RBFOX1: variants seen among roughly 807,000 people sequenced by gnomAD.
RBFOX1 encodes the protein RNA binding fox-1 homolog 1.
RBFOX1 carries 8 observed loss-of-function variants against 57.7 expected under a neutral mutation model. That is an observed-to-expected ratio of 0.14 (90% CI 0.08 to 0.25). The LOEUF (loss-of-function observed/expected upper bound fraction) is 0.25. Among genes scored for constraint, RBFOX1 ranks in the 10% least tolerant of loss-of-function variants. RBFOX1 has a pLI of 1.00. For missense variants in RBFOX1, 611 were observed against 548.5 expected (o/e 1.11, Z -1.14); for synonymous variants, 326 against 222.4 (o/e 1.47, Z -4.15).
chr16:7,031,468 T>C (rs2042773113), intron 3 of RBFOX1, among the ~76,000 whole-genome samples: 1 of 151,988 alleles, frequency 6.6e-6, no homozygotes, highest in Non-Finnish European at 1.5e-5. Flanking sequence ...TGGTGGCACA[T>C]GCCTGTAGTT....
intron 2 of RBFOX1, among the ~76,000 whole-genome samples, chr16:6,450,244 A>G (rs1380572431): frequency 1.3e-5 from 2 of 152,076 alleles, no homozygotes; most frequent in Non-Finnish European, 2.9e-5. Flanking sequence ...TTCCTCATCT[A>G]TAATATGAGG....
intron 3 of RBFOX1, among the ~76,000 whole-genome samples, chr16:5,709,448 G>T (rs2088472035): frequency 6.6e-6 from 1 of 152,074 alleles, no homozygotes; most frequent in Non-Finnish European, 1.5e-5. Context: ...TTTCGTGATG[G>T]CATGTTTTAT....
At chr16:7,149,635 A>G (rs2075738433) in intron 4 of RBFOX1, among the ~76,000 whole-genome samples, 1 of 151,582 alleles carries the variant, frequency 6.6e-6, no homozygotes, top group Non-Finnish European at 1.5e-5. Flanking sequence ...ACAGGTGCAC[A>G]CCACCGTGCC....
At chr16:5,554,467 T>C (rs982105148) in intron 2 of RBFOX1, among the ~76,000 whole-genome samples, 2 of 152,122 alleles carry the variant, frequency 1.3e-5, no homozygotes, top group African/African-American at 4.8e-5. Context: ...TAAGAGTAAA[T>C]GGAAAAATAC....
In RBFOX1 at chr16:5,250,961, C is replaced by T. The variant is rs530072576; in HGVS notation, c.219+10856C>T. Among the ~76,000 whole-genome samples, 30 of 152,274 alleles carry T rather than the reference C, an allele frequency of 2.0e-4. 1 individual carries two copies. In the East Asian group the frequency reaches 4.8e-3, roughly 25 times the overall value. Reference sequence around the variant, plus strand: ...CTGTGCAAAATTCCATCCAGTCATCCGGCTCCCCCAGGGCTCACATGGTAC... The same window carrying T: ...CTGTGCAAAATTCCATCCAGTCATCTGGCTCCCCCAGGGCTCACATGGTAC... On this transcript the variant is annotated intron_variant, in intron 1 of 2. Transcript: ENST00000585867.
chr16:5,701,403 C>A (rs2051042921), intron 3 of RBFOX1, among the ~76,000 whole-genome samples: 2 of 152,182 alleles, frequency 1.3e-5, no homozygotes, highest in South Asian at 4.1e-4. Context: ...AAGCTTGTCT[C>A]CAAGGAGTGC....
intron 3 of RBFOX1, among the ~76,000 whole-genome samples, chr16:6,966,747 C>G (rs1292599375): frequency 7.0e-6 from 1 of 143,422 alleles, no homozygotes; most frequent in Non-Finnish European, 1.5e-5. Flanking sequence ...CTGCCTGCCT[C>G]TATCTGTCTG....
At chr16:6,751,758 C>G (rs1465400384) in intron 3 of RBFOX1, among the ~76,000 whole-genome samples, 1 of 152,158 alleles carries the variant, frequency 6.6e-6, no homozygotes, top group African/African-American at 2.4e-5. Flanking sequence ...GCGTTGTTTA[C>G]TGCCCCTGTG....
At chr16:7,323,355 C>T (rs909453853) in intron 4 of RBFOX1, among the ~76,000 whole-genome samples, 3 of 152,150 alleles carry the variant, frequency 2.0e-5, no homozygotes, top group South Asian at 2.1e-4. Context: ...GCCCAGGAGT[C>T]GGAGGCTGCA....
At position 5,659,396 on chromosome 16, in the gene RBFOX1, C is replaced by T. The variant is rs190914607; in HGVS notation, c.318+60435C>T. ...CCCGCTCACTGCAACCTCTGCCTCC[C>T]GGGTTCACGTCATTCTCCTGCCTCG... On this transcript the variant is annotated intron_variant, in intron 3 of 19. Transcript: ENST00000641259. Among the ~76,000 whole-genome samples the T allele has an allele frequency of 2.9e-3, 434 of 151,698 alleles. 3 individuals carry two copies. Among genetic ancestry groups the T allele is most frequent in the African/African-American group, 9.9e-3 (409 of 41,342 alleles).
intron 3 of RBFOX1, among the ~76,000 whole-genome samples, chr16:6,904,527 G>A (rs745740876): frequency 1.3e-4 from 19 of 144,650 alleles, no homozygotes; most frequent in Non-Finnish European, 7.5e-5. Flanking sequence ...TTTGAACCCA[G>A]GAGGCAGATG....
chr16:7,613,853 C>A (rs1260682603), intron 10 of RBFOX1, among the ~76,000 whole-genome samples: 1 of 152,182 alleles, frequency 6.6e-6, no homozygotes, highest in South Asian at 2.1e-4. Context: ...TTAAGATTGT[C>A]TAGAACCCAC....
Position 5,935,933 on chromosome 16 carries a change from A to G in RBFOX1, c.351+68598A>G, listed in dbSNP as rs558642497. Among the ~76,000 whole-genome samples, 7 of 152,266 alleles carry G rather than the reference A, an allele frequency of 4.6e-5. No homozygotes were observed. In the East Asian group the frequency reaches 1.4e-3, roughly 30 times the overall value. ...GTACAAGCAAAACTCTACCTCAACC[A>G]GCCTCCCCTGGAGGCCCTCAGGGCC... On this transcript the variant is annotated intron_variant, in intron 4 of 19. Transcript: ENST00000641259.
At chr16:7,175,529 T>A (rs185830367) in intron 4 of RBFOX1, among the ~76,000 whole-genome samples, 1 of 152,280 alleles carries the variant, frequency 6.6e-6, no homozygotes, top group East Asian at 1.9e-4. Context: ...TATGGGCTGG[T>A]TGTGTGAACA....
intron 12 of RBFOX1, among the ~76,000 whole-genome samples, chr16:7,663,015 T>C (rs2068163886): frequency 6.6e-6 from 1 of 152,212 alleles, no homozygotes. Context: ...ATAAAGGGCA[T>C]TGCCAGCACA....
At chr16:5,871,659 C>T (rs984361035) in intron 4 of RBFOX1, among the ~76,000 whole-genome samples, 1 of 152,148 alleles carries the variant, frequency 6.6e-6, no homozygotes, top group African/African-American at 2.4e-5. Flanking sequence ...ACACAAAGAT[C>T]TGAGACCCAG....
At chr16:6,880,980 C>T (rs1226886837) in intron 3 of RBFOX1, among the ~76,000 whole-genome samples, 2 of 152,120 alleles carry the variant, frequency 1.3e-5, no homozygotes, top group African/African-American at 4.8e-5. Flanking sequence ...AAGATGAATA[C>T]ACAGTGAGAG....
intron 2 of RBFOX1, among the ~76,000 whole-genome samples, chr16:5,553,536 C>T (rs1225999260): frequency 2.0e-5 from 3 of 152,014 alleles, no homozygotes; most frequent in Admixed American, 1.3e-4. Context: ...AGGATGGTCT[C>T]AATCTCCTGA....
chr16:5,778,728 A>G (rs970121797), intron 3 of RBFOX1, among the ~76,000 whole-genome samples: 48 of 152,074 alleles, frequency 3.2e-4, no homozygotes, highest in African/African-American at 9.7e-4. Context: ...ATGAGGGTGA[A>G]TAGGAGGTGA....
Sources: gnomAD v4.1 joint callset for allele counts (sites outside exome capture counted in the v4.1 genomes callset) on GRCh38, gnomAD v4.1.1 for gene constraint, MANE v1.5 for transcripts, NCBI Gene and HGNC (gene_info 2026-07-23, HGNC 2026-07-21) for gene names.